KCNMB4: variants seen among roughly 807,000 people sequenced by gnomAD.
KCNMB4 encodes the protein calcium-activated potassium channel subunit beta-4.
Under a neutral mutation model 20.7 loss-of-function variants are expected in KCNMB4, and 3 were observed. That is an observed-to-expected ratio of 0.14 (90% CI 0.07 to 0.37). The LOEUF is 0.37. Ranked by LOEUF, KCNMB4 falls within the 10% of genes least tolerant of loss-of-function variation. The pLI, the probability that KCNMB4 is intolerant of heterozygous loss-of-function variation, is 1.00. For missense variants in KCNMB4, 168 were observed against 265.9 expected (o/e 0.63, Z 2.56); for synonymous variants, 110 against 113.4 (o/e 0.97, Z 0.19).
chr12:70,376,393 G>A (rs1883687261), intron 1 of KCNMB4, among the ~76,000 whole-genome samples: 1 of 151,936 alleles, frequency 6.6e-6, no homozygotes, highest in South Asian at 2.1e-4. Context: ...GATTGGAAAG[G>A]AAAAATAAAA....
chr12:70,422,755 C>T (rs1387532127), intron 2 of KCNMB4: 61 of 1,288,096 alleles, frequency 4.7e-5, no homozygotes, highest in African/African-American at 7.6e-5. Flanking sequence ...GAAGCATCTC[C>T]GGCAGGGGTT....
chr12:70,382,457 A>ATT (rs1385952431), intron 1 of KCNMB4, among the ~76,000 whole-genome samples: 313 of 129,038 alleles, frequency 2.4e-3, no homozygotes, highest in Admixed American at 5.1e-3. Flanking sequence ...AAAAAAAAAA[A>ATT]TTTAAAGGTA....
chr12:70,383,638 T>C (rs2136120971), intron 1 of KCNMB4, among the ~76,000 whole-genome samples: 1 of 152,354 alleles, frequency 6.6e-6, no homozygotes, highest in Non-Finnish European at 1.5e-5. Context: ...TCCTTGCCTC[T>C]TCCTAGCAAT....
At chr12:70,383,951 C>G (rs1332368202) in intron 1 of KCNMB4, among the ~76,000 whole-genome samples, 1 of 152,074 alleles carries the variant, frequency 6.6e-6, no homozygotes, top group African/African-American at 2.4e-5. Context: ...CACCTATAAC[C>G]CCAGCTACTC....
intron 1 of KCNMB4, among the ~76,000 whole-genome samples, chr12:70,394,258 T>TAATG (rs10693130): frequency 0.57 from 85,974 of 151,498 alleles, 25,680 homozygotes; most frequent in African/African-American, 0.76. Context: ...TTCCTAGTCT[T>TAATG]AATCACACTT....
At chr12:70,395,344 A>G (rs1309786062) in intron 1 of KCNMB4, among the ~76,000 whole-genome samples, 1 of 152,150 alleles carries the variant, frequency 6.6e-6, no homozygotes, top group Non-Finnish European at 1.5e-5. Flanking sequence ...CCTGATATTT[A>G]ACTAAGTAGA....
At chr12:70,393,861 T>C (rs1868326277) in intron 1 of KCNMB4, among the ~76,000 whole-genome samples, 1 of 152,086 alleles carries the variant, frequency 6.6e-6, no homozygotes, top group Non-Finnish European at 1.5e-5. Flanking sequence ...GATGACTCAG[T>C]CTTTCTGGAA....
intron 1 of KCNMB4, among the ~76,000 whole-genome samples, chr12:70,372,921 G>A (rs1302171926): frequency 2.6e-5 from 4 of 152,198 alleles, no homozygotes; most frequent in Non-Finnish European, 5.9e-5. Flanking sequence ...TTGGTGGTGA[G>A]TAAAGGGAGG....
intron 2 of KCNMB4, among the ~76,000 whole-genome samples, chr12:70,400,848 A>G (rs1474560732): frequency 6.6e-6 from 1 of 152,166 alleles, no homozygotes; most frequent in East Asian, 1.9e-4. Context: ...AGTATTCACA[A>G]TTCCTTGCTG....
intron 2 of KCNMB4, among the ~76,000 whole-genome samples, chr12:70,408,884 C>G (rs1051664679): frequency 6.6e-6 from 1 of 152,140 alleles, no homozygotes; most frequent in African/African-American, 2.4e-5. Context: ...ACTTATACCC[C>G]CTTAACGAGT....
chr12:70,370,148 A>G (rs1182329519), intron 1 of KCNMB4, among the ~76,000 whole-genome samples: 1 of 152,086 alleles, frequency 6.6e-6, no homozygotes, highest in African/African-American at 2.4e-5. Flanking sequence ...TGATGATTCT[A>G]ATGTGAAGAC....
chr12:70,384,271 G>A (rs1241675156), intron 1 of KCNMB4, among the ~76,000 whole-genome samples: 1 of 152,128 alleles, frequency 6.6e-6, no homozygotes, highest in Non-Finnish European at 1.5e-5. Context: ...TTGACCACCT[G>A]TAGCTTCTAA....
chr12:70,419,624 A>G (rs1034006525), intron 2 of KCNMB4, among the ~76,000 whole-genome samples: 1 of 152,224 alleles, frequency 6.6e-6, no homozygotes, highest in Non-Finnish European at 1.5e-5. Context: ...ATGGTGTGGC[A>G]TAGGATTGGG....
intron 1 of KCNMB4, among the ~76,000 whole-genome samples, chr12:70,391,920 AT>A (rs1404688477): frequency 6.6e-6 from 1 of 152,226 alleles, no homozygotes; most frequent in African/African-American, 2.4e-5. Context: ...TTGTAAGAGT[AT>A]GTGAAATGGG....
intron 1 of KCNMB4, among the ~76,000 whole-genome samples, chr12:70,390,090 T>C (rs1006362338): frequency 9.7e-4 from 148 of 152,318 alleles, no homozygotes; most frequent in African/African-American, 3.5e-3. Context: ...CCCAGAGTTA[T>C]GCTCAATGAG....
At chr12:70,383,413 G>A (rs1294842143) in intron 1 of KCNMB4, among the ~76,000 whole-genome samples, 1 of 152,180 alleles carries the variant, frequency 6.6e-6, no homozygotes, top group Non-Finnish European at 1.5e-5. Flanking sequence ...TGCACTGCTG[G>A]TGGCAACATG....
At chr12:70,418,129 G>A (rs144988885) in intron 2 of KCNMB4, among the ~76,000 whole-genome samples, 163 of 152,158 alleles carry the variant, frequency 1.1e-3, no homozygotes, top group African/African-American at 3.9e-3. Flanking sequence ...GCATTTGGGG[G>A]GATTCCTTAC....
intron 2 of KCNMB4, among the ~76,000 whole-genome samples, chr12:70,403,113 A>G (rs1465755873): frequency 6.7e-6 from 1 of 149,138 alleles, no homozygotes. Context: ...AAGAAAGGGA[A>G]CAAGGTGTTG....
rs1883571614 is a variant in KCNMB4, at chr12:70,370,416, T to G, written c.336+3346T>G. Among the ~76,000 whole-genome samples the G allele has an allele frequency of 2.0e-5, 3 of 151,766 alleles. No homozygotes were observed. The South Asian group carries it at 6.3e-4, about 32-fold the overall frequency. ...TCCGCCTCCCTGGTTCATGCCATTC[T>G]CCTGCCTCAGCCTCCCGAGTAGCTG... On this transcript the variant is annotated intron_variant, in intron 1 of 2. Transcript: ENST00000258111.
Sources: allele counts gnomAD v4.1 joint callset (sites outside exome capture counted in the v4.1 genomes callset), GRCh38; gene constraint gnomAD v4.1.1; transcripts MANE v1.5; gene names NCBI Gene and HGNC (gene_info 2026-07-23, HGNC 2026-07-21).